Variants in TMEM71 observed in about 807,000 individuals in gnomAD.
TMEM71 encodes the protein transmembrane protein 71.
A neutral mutation model predicts 38.0 loss-of-function variants in TMEM71; 44 were observed. The observed-to-expected ratio is 1.16, with a 90% CI of 0.91 to 1.49. The LOEUF (loss-of-function observed/expected upper bound fraction) is 1.49. TMEM71 is among the 40% of genes most tolerant of loss of function. The pLI is 0.00. For missense variants in TMEM71, 367 were observed against 348.6 expected (o/e 1.05, Z -0.42); for synonymous variants, 133 against 122.5 (o/e 1.09, Z -0.56).
intron 5 of TMEM71, among the ~76,000 whole-genome samples, chr8:132,737,211 A>C (rs777428036): frequency 1.3e-5 from 2 of 152,214 alleles, no homozygotes; most frequent in Non-Finnish European, 2.9e-5. Flanking sequence ...TATACTAAAA[A>C]ATCGCTGAAT....
downstream of TMEM71, among the ~76,000 whole-genome samples, chr8:132,708,259 T>A (rs1311682376): frequency 6.6e-6 from 1 of 152,116 alleles, no homozygotes; most frequent in African/African-American, 2.4e-5. Flanking sequence ...AGCACACACA[T>A]CACTAGTCAG....
At chr8:132,751,009 T>C (rs1370207986) in intron 4 of TMEM71, among the ~76,000 whole-genome samples, 1 of 152,168 alleles carries the variant, frequency 6.6e-6, no homozygotes, top group Non-Finnish European at 1.5e-5. Flanking sequence ...TTTCCCATTG[T>C]ACTCACTCTC....
intron 3 of TMEM71, among the ~76,000 whole-genome samples, chr8:132,756,819 C>A (rs934433833): frequency 6.6e-6 from 1 of 151,988 alleles, no homozygotes; most frequent in African/African-American, 2.4e-5. Context: ...AAACTCCTGA[C>A]CTCAGGTGAT....
chr8:132,774,063 G>A, the TMEM71 span, among the ~76,000 whole-genome samples: 1 of 152,320 alleles, frequency 6.6e-6, no homozygotes, highest in African/African-American at 2.4e-5. Flanking sequence ...AAACTTTGGT[G>A]AGCTGGCATT....
At chr8:132,738,226 G>C (rs1827851917) in intron 5 of TMEM71, among the ~76,000 whole-genome samples, 1 of 152,072 alleles carries the variant, frequency 6.6e-6, no homozygotes, top group South Asian at 2.1e-4. Context: ...CATTCAGGTG[G>C]GAAAAGCTGG....
intron 6 of TMEM71, among the ~76,000 whole-genome samples, chr8:132,723,120 G>T (rs751108572): frequency 2.0e-5 from 3 of 152,188 alleles, no homozygotes; most frequent in Non-Finnish European, 4.4e-5. Context: ...AGCCCATAAT[G>T]CGGGTGGAAT....
chr8:132,751,381 C>T (rs573718257), intron 4 of TMEM71, among the ~76,000 whole-genome samples: 1 of 152,304 alleles, frequency 6.6e-6, no homozygotes, highest in East Asian at 1.9e-4. Flanking sequence ...CAGCCATCAC[C>T]ACCACTAGTG....
chr8:132,756,727 C>T (rs1157481914), intron 3 of TMEM71, among the ~76,000 whole-genome samples: 2 of 151,788 alleles, frequency 1.3e-5, no homozygotes, highest in Non-Finnish European at 2.9e-5. Flanking sequence ...GCTGAGATTA[C>T]AGGCACATAC....
chr8:132,714,895 G>T (rs1429218344), intron 7 of TMEM71, among the ~76,000 whole-genome samples: 1 of 151,976 alleles, frequency 6.6e-6, no homozygotes, highest in East Asian at 1.9e-4. Context: ...TTGAAAAAAT[G>T]AGCAAAAGAT....
intron 3 of TMEM71, among the ~76,000 whole-genome samples, chr8:132,754,650 G>A (rs1030255224): frequency 5.9e-5 from 9 of 152,160 alleles, no homozygotes; most frequent in African/African-American, 2.2e-4. Flanking sequence ...CCTAAGGGTG[G>A]TAAGCTAAAT....
At chr8:132,721,467 C>G (rs1478409260) in intron 7 of TMEM71, among the ~76,000 whole-genome samples, 1 of 151,850 alleles carries the variant, frequency 6.6e-6, no homozygotes, top group African/African-American at 2.4e-5. Context: ...GGAGAAAAAG[C>G]AATCCACTGT....
At position 132,760,515 on chromosome 8, in the gene TMEM71, G is replaced by C. The variant is rs1053752431; in HGVS notation, c.-76C>G. ...TGCCCACGCACATTGCTGTGCACAG[G>C]TGCTTGCAGAGAAGTTTTGTCTTCG... On this transcript the variant is annotated 5_prime_UTR_variant, in exon 1 of 10. Coordinates refer to ENST00000677595, the MANE Select transcript of TMEM71 (RefSeq NM_001382403.1). The C allele has an allele frequency of 9.9e-5, 15 of 152,268 alleles. No individual in the cohort carries two copies. Among genetic ancestry groups the C allele is most frequent in the African/African-American group, 3.6e-4 (15 of 41,472 alleles). 9.4% of individuals were successfully genotyped at this position (152,268 alleles called of 1,614,324 possible). A position where few individuals can be genotyped will look rare whatever the true frequency, so the allele number is the denominator to read the frequency against.
chr8:132,729,795 T>C (rs548208750), intron 5 of TMEM71, among the ~76,000 whole-genome samples: 1 of 152,146 alleles, frequency 6.6e-6, no homozygotes, highest in Non-Finnish European at 1.5e-5. Context: ...CGAGTTTCTG[T>C]AGGGACTCAA....
the TMEM71 span, among the ~76,000 whole-genome samples, chr8:132,770,973 G>T: frequency 6.6e-6 from 1 of 152,184 alleles, no homozygotes; most frequent in African/African-American, 2.4e-5. Flanking sequence ...GCAGACCAAA[G>T]CTTGAGAAAT....
the TMEM71 span, among the ~76,000 whole-genome samples, chr8:132,771,623 TTTAC>T: frequency 6.6e-6 from 1 of 151,404 alleles, no homozygotes; most frequent in East Asian, 1.9e-4. Context: ...TGTATTATTA[TTTAC>T]TTTAATAACA....
intron 5 of TMEM71, among the ~76,000 whole-genome samples, chr8:132,729,959 A>ATT (rs71930737): frequency 5.5e-5 from 8 of 144,314 alleles, no homozygotes; most frequent in Non-Finnish European, 1.1e-4. Context: ...TTTCAGTTAA[A>ATT]TTTTTTTTTT....
Position 132,751,989 on chromosome 8 carries a change from C to T in TMEM71, c.110G>A (p.Cys37Tyr). The T allele has an allele frequency of 6.2e-7, 1 of 1,613,982 alleles. No homozygotes were observed. The highest frequency in any genetic ancestry group is 8.5e-7 in the Non-Finnish European group (1 of 1,179,940). ...SPTCIFPSFT[C>Y]DSLDGYHSFE... is the part of the protein sequence containing the mutation. ...AGAATGGTAACCATCCAGGGAATCA[C>T]AGGTGAAACTAAGAAGGAAAAGATA... The change falls in exon 4 of 10, where the codon TGT (cysteine) becomes TAT (tyrosine). Residue 37 changes from cysteine (C) to tyrosine (Y), a missense_variant. Coordinates refer to ENST00000677595, the MANE Select transcript of TMEM71 (RefSeq NM_001382403.1).
chr8:132,753,796 T>G lies in TMEM71; in HGVS notation c.102-1799A>C, dbSNP rs1276868747. 2.0e-5 allele frequency among the ~76,000 whole-genome samples: 3 copies of G among 152,208 alleles called. No individual in the cohort carries two copies. The East Asian group carries it at 5.8e-4, about 29-fold the overall frequency. ...AATCTCCATTATCGGGTTATCTTAA[T>G]AATTAAATAATGAAATAAATGGTCT... On this transcript the variant is annotated intron_variant, in intron 3 of 9. Coordinates refer to ENST00000677595, the MANE Select transcript of TMEM71 (RefSeq NM_001382403.1).
At chr8:132,718,791 C>T (rs1429237196) in intron 7 of TMEM71, among the ~76,000 whole-genome samples, 4 of 152,256 alleles carry the variant, frequency 2.6e-5, no homozygotes, top group African/African-American at 9.6e-5. Flanking sequence ...AAAAGTGTGA[C>T]CAAGCATTTG....
Sources: allele counts gnomAD v4.1 joint callset (sites outside exome capture counted in the v4.1 genomes callset), GRCh38; gene constraint gnomAD v4.1.1; transcripts MANE v1.5; gene names NCBI Gene and HGNC (gene_info 2026-07-23, HGNC 2026-07-21).